Variants in MAST2 observed in about 807,000 individuals in gnomAD.
MAST2 encodes microtubule-associated serine/threonine-protein kinase 2.
A neutral mutation model predicts 147.4 loss-of-function variants in MAST2; 70 were observed. That is an observed-to-expected ratio of 0.47 (90% CI 0.39 to 0.58). The LOEUF (loss-of-function observed/expected upper bound fraction) is 0.58, where lower values mean the gene tolerates loss of function less well. Ranked by LOEUF, MAST2 falls within the 20% of genes least tolerant of loss-of-function variation. The pLI, the probability that MAST2 is intolerant of heterozygous loss-of-function variation, is 0.00. For missense variants in MAST2, 2,080 were observed against 2,302.3 expected, an observed-to-expected ratio of 0.90 and a Z score of 1.98; for synonymous variants, 869 against 896.8, an observed-to-expected ratio of 0.97 and a Z score of 0.55.
intron 5 of MAST2, among the ~76,000 whole-genome samples, chr1:45,960,323 A>G (rs1208143301): frequency 6.6e-6 from 1 of 152,044 alleles, no homozygotes; most frequent in Non-Finnish European, 1.5e-5. Context: ...AGCCTGGGCA[A>G]CATGGCAAAA....
intron 5 of MAST2, among the ~76,000 whole-genome samples, chr1:45,988,967 T>G (rs1557433045): frequency 6.6e-6 from 1 of 152,206 alleles, no homozygotes. Flanking sequence ...ATTTTTAAAT[T>G]GGAGAACAGT....
intron 5 of MAST2, among the ~76,000 whole-genome samples, chr1:45,972,298 G>A (rs547922889): frequency 6.6e-6 from 1 of 152,358 alleles, no homozygotes; most frequent in African/African-American, 2.4e-5. Flanking sequence ...ATTCCATCCT[G>A]TGGTGGGCAG....
At chr1:45,990,567 C>T (rs1410355515) in intron 5 of MAST2, among the ~76,000 whole-genome samples, 4 of 152,106 alleles carry the variant, frequency 2.6e-5, no homozygotes, top group Non-Finnish European at 5.9e-5. Context: ...AGTCACAGCC[C>T]ACTACAGCCC....
intron 4 of MAST2, among the ~76,000 whole-genome samples, chr1:45,913,322 G>A (rs1457714051): frequency 6.6e-6 from 1 of 152,208 alleles, no homozygotes; most frequent in Non-Finnish European, 1.5e-5. Flanking sequence ...GTTTCTTCCA[G>A]TCCCTTGCCC....
chr1:46,029,716 G>A, intron 19 of MAST2, 115 bp from the exon 20 acceptor site: 1 of 1,426,096 alleles, frequency 7.0e-7, no homozygotes, highest in Non-Finnish European at 9.6e-7. Context: ...AAGGGAAGAT[G>A]CTTGAGCTGA....
intron 5 of MAST2, among the ~76,000 whole-genome samples, chr1:45,982,549 G>A (rs1428852150): frequency 6.6e-6 from 1 of 152,170 alleles, no homozygotes; most frequent in Non-Finnish European, 1.5e-5. Flanking sequence ...GAACACAGGA[G>A]GGTGACACTC....
At chr1:45,864,531 C>G (rs538785058) in intron 3 of MAST2, among the ~76,000 whole-genome samples, 72 of 152,296 alleles carry the variant, frequency 4.7e-4, no homozygotes, top group African/African-American at 1.6e-3. Context: ...ATTTTGCCGA[C>G]TTAGTCAAAA....
At chr1:45,830,337 G>A (rs1165828030) in intron 3 of MAST2, among the ~76,000 whole-genome samples, 2 of 151,022 alleles carry the variant, frequency 1.3e-5, no homozygotes, top group African/African-American at 2.4e-5. Context: ...ACCATACCCC[G>A]CTAGTTTTTG....
chr1:45,918,800 A>G (rs1229446165), intron 4 of MAST2, among the ~76,000 whole-genome samples: 3 of 152,134 alleles, frequency 2.0e-5, no homozygotes, highest in Admixed American at 6.5e-5. Context: ...TAAGAATGAC[A>G]TGATCTGACG....
Position 45,984,844 on chromosome 1 carries a change from C to A in MAST2, c.593-12880C>A, listed in dbSNP as rs117586451. Among the ~76,000 whole-genome samples the A allele has an allele frequency of 3.0e-3, 449 of 151,958 alleles. 3 individuals are homozygous for A. The highest frequency in any genetic ancestry group is 0.021 in the East Asian group (108 of 5,176). ...CTCCAGCCTGGGTGGCAGAGCAAGA[C>A]CCTGTCTCAGAAAAAAAATCCATAA... On this transcript the variant is annotated intron_variant, in intron 5 of 28. Coordinates refer to ENST00000361297, the MANE Select transcript of MAST2 (RefSeq NM_015112.3).
At position 46,023,747 on chromosome 1, in the gene MAST2, G is replaced by A; in HGVS notation, c.1572-25G>A. ...AGCTCAGGTGCTGAGGGTCCATGGG[G>A]GATGGGCCGGACTTTGTTTCCCAGG... On this transcript the variant is annotated intron_variant, in intron 14 of 28. Transcript: ENST00000361297. This position sits in a 1 kb window ranked among gnomAD's most constrained non-coding sequence, Gnocchi z 4.9. 1.2e-6 allele frequency: 2 copies of A among 1,608,740 alleles called. No individual in the cohort carries two copies. The highest frequency in any genetic ancestry group is 1.7e-6 in the Non-Finnish European group (2 of 1,176,554).
intron 5 of MAST2, among the ~76,000 whole-genome samples, chr1:45,972,396 A>C (rs908258748): frequency 6.6e-6 from 1 of 152,312 alleles, no homozygotes; most frequent in Non-Finnish European, 1.5e-5. Context: ...AGAGGGGAAA[A>C]GTTTCTGCTA....
chr1:46,018,442 A>T (rs887109874), intron 10 of MAST2, among the ~76,000 whole-genome samples: 5 of 152,146 alleles, frequency 3.3e-5, no homozygotes, highest in Admixed American at 1.3e-4. Flanking sequence ...GAATAGTTTA[A>T]ACAGTAAAGG....
chr1:46,022,142 C>G, intron 12 of MAST2, 60 bp downstream of exon 12: 1 of 1,598,312 alleles, frequency 6.3e-7, no homozygotes, highest in Non-Finnish European at 8.5e-7. Context: ...GCTCTAACAG[C>G]AGGGAAGCTG....
intron 4 of MAST2, among the ~76,000 whole-genome samples, chr1:45,931,781 A>C (rs1021430951): frequency 6.6e-6 from 1 of 151,338 alleles, no homozygotes; most frequent in Non-Finnish European, 1.5e-5. Flanking sequence ...GGTGTGAGCC[A>C]CCATGCCCAG....
At chr1:45,811,966 C>A (rs1644315981) in intron 1 of MAST2, among the ~76,000 whole-genome samples, 2 of 151,994 alleles carry the variant, frequency 1.3e-5, no homozygotes. Flanking sequence ...GATGGGGTTT[C>A]ACCATGTTGG....
At position 45,824,468 on chromosome 1, in the gene MAST2, G is replaced by A. The variant is rs547594372; in HGVS notation, c.213G>A (p.Arg71=). Reference sequence around the variant, plus strand: ...CTGGAGTTAGTCCCCTGCTCTTCAGGAAACTCAGTAATCCTGACATATTTT... The same window carrying A: ...CTGGAGTTAGTCCCCTGCTCTTCAGAAAACTCAGTAATCCTGACATATTTT... ...VVTGVSPLLF[R]KLSNPDIFSS... is the part of the protein sequence containing the mutation. Residue 71 remains arginine (R), a synonymous_variant, in exon 2 of 29, where the codon AGG becomes AGA. Coordinates refer to ENST00000361297, the MANE Select transcript of MAST2 (RefSeq NM_015112.3). The A allele has an allele frequency of 1.9e-6, 3 of 1,611,032 alleles. No individual in the cohort carries two copies. Among genetic ancestry groups the A allele is most frequent in the East Asian group, 4.5e-5 (2 of 44,784 alleles).
At chr1:45,833,941 C>A (rs1270113236) in intron 3 of MAST2, among the ~76,000 whole-genome samples, 1 of 151,878 alleles carries the variant, frequency 6.6e-6, no homozygotes, top group East Asian at 1.9e-4. Flanking sequence ...CATTCTCCCG[C>A]CTAAAGATTT....
At chr1:45,956,311 G>A (rs1659652139) in intron 4 of MAST2, among the ~76,000 whole-genome samples, 1 of 152,162 alleles carries the variant, frequency 6.6e-6, no homozygotes, top group South Asian at 2.1e-4. Context: ...TCTTGAAGGA[G>A]TGTAATTTGT....
Sources: allele counts gnomAD v4.1 joint callset (sites outside exome capture counted in the v4.1 genomes callset), GRCh38; gene constraint gnomAD v4.1.1; non-coding constraint Gnocchi (gnomAD v3.1); transcripts MANE v1.5; gene names NCBI Gene and HGNC (gene_info 2026-07-23, HGNC 2026-07-21).